The following SOX6 variants were observed in gnomAD, a reference collection of about 807,000 sequenced individuals.
SOX6 encodes the protein transcription factor SOX-6.
Under a neutral mutation model 97.8 loss-of-function variants are expected in SOX6, and 11 were observed. The ratio of observed to expected loss-of-function variants is 0.11; its 90% CI spans 0.07 to 0.19. The LOEUF (loss-of-function observed/expected upper bound fraction) is 0.19. Ranked by LOEUF, SOX6 falls within the 10% of genes least tolerant of loss-of-function variation. The probability of loss-of-function intolerance (pLI) is 1.00; values close to 1 mark genes in which losing one functional copy is unlikely to be tolerated. For synonymous variants in SOX6, 360 were observed against 371.4 expected (o/e 0.97, Z 0.35); for missense variants, 810 against 1,039.5 (o/e 0.78, Z 3.04).
chr11:16,567,299 C>A (rs984290304), intron 4 of SOX6: 2 of 152,814 alleles, frequency 1.3e-5, no homozygotes, highest in Non-Finnish European at 2.9e-5. Flanking sequence ...GGCAGATGAC[C>A]GTGAAGGAAA....
intron 15 of SOX6, among the ~76,000 whole-genome samples, chr11:15,974,675 A>G (rs1335163375): frequency 3.3e-5 from 5 of 151,880 alleles, no homozygotes; most frequent in African/African-American, 1.2e-4. Flanking sequence ...AGAGGAACAT[A>G]ATTTTCTCAC....
intron 6 of SOX6, among the ~76,000 whole-genome samples, chr11:16,132,796 A>T (rs1849854857): frequency 6.6e-6 from 1 of 151,866 alleles, no homozygotes; most frequent in South Asian, 2.1e-4. Context: ...TACCACAAGG[A>T]CACACAAAAT....
intron 3 of SOX6, among the ~76,000 whole-genome samples, chr11:16,615,015 C>T (rs1360993370): frequency 2.0e-4 from 30 of 152,090 alleles, no homozygotes. Flanking sequence ...CAAGAAATGT[C>T]TTCTCCAATA....
At chr11:16,636,044 A>C (rs1421097781) in intron 3 of SOX6, among the ~76,000 whole-genome samples, 1 of 152,234 alleles carries the variant, frequency 6.6e-6, no homozygotes, top group Non-Finnish European at 1.5e-5. Context: ...GCCCCCACAC[A>C]GAGTCCCCAA....
At chr11:16,239,414 G>C (rs993639990) in intron 3 of SOX6, among the ~76,000 whole-genome samples, 3 of 152,016 alleles carry the variant, frequency 2.0e-5, no homozygotes, top group African/African-American at 7.2e-5. Flanking sequence ...CTGGGAAGCT[G>C]ACAGAAAGAC....
intron 1 of SOX6, among the ~76,000 whole-genome samples, chr11:16,400,186 G>T (rs985245944): frequency 1.3e-5 from 2 of 151,386 alleles, no homozygotes; most frequent in Admixed American, 1.3e-4. Context: ...ATTCCAGTTG[G>T]AAAGAAAGCC....
chr11:16,482,113 CAGAT>C (rs1386355587), intron 4 of SOX6, among the ~76,000 whole-genome samples: 14 of 143,698 alleles, frequency 9.7e-5, no homozygotes, highest in Admixed American at 2.1e-4. Flanking sequence ...CATTTTCACA[CAGAT>C]AGGTAGTTAG....
intron 4 of SOX6, among the ~76,000 whole-genome samples, chr11:16,583,593 GTATATATGTGTATATATATACATATATA>G (rs1848051341): frequency 3.4e-5 from 3 of 89,546 alleles, no homozygotes; most frequent in Middle Eastern, 0.01. Flanking sequence ...ATATATATAT[GTATATATGTGTATATATATACATATATA>G]TATATATATA....
At chr11:16,081,953 A>C (rs1848481229) in intron 9 of SOX6, among the ~76,000 whole-genome samples, 1 of 152,162 alleles carries the variant, frequency 6.6e-6, no homozygotes, top group African/African-American at 2.4e-5. Context: ...GCGACTGTGG[A>C]GTCATCGTCA....
At chr11:16,606,426 G>C (rs1036760116) in intron 4 of SOX6, among the ~76,000 whole-genome samples, 1 of 152,096 alleles carries the variant, frequency 6.6e-6, no homozygotes, top group African/African-American at 2.4e-5. Context: ...GGTCCCATCT[G>C]AACCTTCAAA....
intron 4 of SOX6, among the ~76,000 whole-genome samples, chr11:16,585,784 G>A (rs1163463250): frequency 6.8e-6 from 1 of 146,994 alleles, no homozygotes; most frequent in Non-Finnish European, 1.5e-5. Flanking sequence ...CCAGGCTCAA[G>A]CAGTCCTCCC....
chr11:16,541,892 G>T (rs1861414827), intron 4 of SOX6, among the ~76,000 whole-genome samples: 1 of 152,174 alleles, frequency 6.6e-6, no homozygotes, highest in Non-Finnish European at 1.5e-5. Context: ...CAACCATTGT[G>T]GGAGACAGTG....
intron 4 of SOX6, among the ~76,000 whole-genome samples, chr11:16,538,550 C>T (rs1861346297): frequency 6.6e-6 from 1 of 152,028 alleles, no homozygotes; most frequent in Non-Finnish European, 1.5e-5. Context: ...AGAGTCAAGA[C>T]CCATCAGTGT....
chr11:16,503,372 G>C (rs544561234), intron 4 of SOX6, among the ~76,000 whole-genome samples: 2 of 151,752 alleles, frequency 1.3e-5, no homozygotes, highest in East Asian at 3.9e-4. Flanking sequence ...AAGAGAGAAA[G>C]AAAGGAACAA....
chr11:16,702,542 GT>G (rs1344834576), intron 3 of SOX6, among the ~76,000 whole-genome samples: 1 of 152,136 alleles, frequency 6.6e-6, no homozygotes, highest in African/African-American at 2.4e-5. Flanking sequence ...TACTCTGTAT[GT>G]TTTCTGAGTC....
At chr11:16,132,345 AG>A (rs768555847) in intron 6 of SOX6, among the ~76,000 whole-genome samples, 1 of 40,362 alleles carries the variant, frequency 2.5e-5, no homozygotes, top group African/African-American at 1.1e-4. Flanking sequence ...GAAAAAAGAA[AG>A]AAAGAAAGAA....
chr11:16,673,538 C>G (rs866522728), intron 3 of SOX6, among the ~76,000 whole-genome samples: 7 of 151,982 alleles, frequency 4.6e-5, no homozygotes, highest in Middle Eastern at 3.2e-3. Context: ...ACACATAAAA[C>G]CTATCAAGAT....
At chr11:16,135,847 A>G (rs775402293) in intron 6 of SOX6, among the ~76,000 whole-genome samples, 8 of 152,204 alleles carry the variant, frequency 5.3e-5, no homozygotes, top group African/African-American at 1.2e-4. Flanking sequence ...ATAGCATTAC[A>G]TGCTGCAGAG....
rs144374489 is a variant in SOX6 at position 15,968,931 on chromosome 11, C to T, written c.*3878G>A. 52 of 152,312 alleles carry T rather than the reference C, an allele frequency of 3.4e-4. No individual in the cohort carries two copies. The highest frequency in any genetic ancestry group is 1.2e-3 in the African/African-American group (51 of 41,558). The allele number at this position is 152,312 out of a possible 1,614,324, so 9.4% of individuals were successfully genotyped here. ...AGCTTCCGTACCTTACTGGAAAAGACACTGCTTCATATCTGCCAATGAAAT... is the reference window on the plus strand; with the variant it reads ...AGCTTCCGTACCTTACTGGAAAAGATACTGCTTCATATCTGCCAATGAAAT... On this transcript the variant is annotated 3_prime_UTR_variant, in exon 16 of 16. Transcript: ENST00000683767.
Sources: gnomAD v4.1 joint callset for allele counts (sites outside exome capture counted in the v4.1 genomes callset) on GRCh38, gnomAD v4.1.1 for gene constraint, MANE v1.5 for transcripts, NCBI Gene and HGNC (gene_info 2026-07-23, HGNC 2026-07-21) for gene names.